Variants in CCDC85A observed in about 807,000 individuals in gnomAD.
CCDC85A encodes coiled-coil domain containing 85A.
Under a neutral mutation model 50.2 loss-of-function variants are expected in CCDC85A, and 38 were observed. That is an observed-to-expected ratio of 0.76 (90% CI 0.58 to 0.99). The LOEUF (loss-of-function observed/expected upper bound fraction) is 0.99, where lower values mean the gene tolerates loss of function less well. Among genes scored for constraint, CCDC85A ranks in the 50% least tolerant of loss-of-function variants. The probability of loss-of-function intolerance (pLI) is 0.00; values close to 1 mark genes in which losing one functional copy is unlikely to be tolerated. For synonymous variants in CCDC85A, 366 were observed against 301.4 expected (o/e 1.21, Z -2.22); for missense variants, 820 against 742.0 (o/e 1.11, Z -1.22).
intron 5 of CCDC85A, among the ~76,000 whole-genome samples, chr2:56,383,048 G>T (rs1183106644): frequency 6.6e-6 from 1 of 151,868 alleles, no homozygotes; most frequent in Non-Finnish European, 1.5e-5. Context: ...TTCCTTTCCA[G>T]ATATTTAAGA....
chr2:56,198,168 G>A (rs550168014), intron 2 of CCDC85A, among the ~76,000 whole-genome samples: 9 of 152,248 alleles, frequency 5.9e-5, no homozygotes, highest in South Asian at 4.1e-4. Context: ...GACCCCAGCA[G>A]TGTTTCTCTG....
At chr2:56,334,947 A>G (rs901345443) in intron 2 of CCDC85A, among the ~76,000 whole-genome samples, 2 of 152,186 alleles carry the variant, frequency 1.3e-5, no homozygotes, top group African/African-American at 4.8e-5. Flanking sequence ...TGAGAAGAGT[A>G]GAATTTGCTT....
intron 3 of CCDC85A, among the ~76,000 whole-genome samples, chr2:56,358,774 T>G (rs7602650): frequency 6.6e-6 from 1 of 151,640 alleles, no homozygotes; most frequent in Non-Finnish European, 1.5e-5. Context: ...CTCTTATATT[T>G]TTGTCTTTTT....
In CCDC85A at chr2:56,193,273, G is replaced by C; in HGVS notation, c.1073G>C (p.Ser358Thr). The C allele has an allele frequency of 6.2e-7, 1 of 1,613,976 alleles. No individual in the cohort carries two copies. Among genetic ancestry groups the C allele is most frequent in the South Asian group, 1.1e-5 (1 of 91,074 alleles). The change falls in exon 2 of 6, where the codon AGC (serine) becomes ACC (threonine). Residue 358 changes from serine to threonine, a missense_variant. Ser to Thr is a moderately conservative substitution (Grantham distance 58, BLOSUM62 1). Transcript: ENST00000407595. ...CATCTCCCCAGAGCCAGGGGCACCA[G>C]CCCGGAGCACCTCAAACAACATTAT... is the stretch of plus-strand genomic sequence containing the variant. ...LEHLPRARGT[S>T]PEHLKQHYGG...
At chr2:56,321,280 G>T (rs976076555) in intron 2 of CCDC85A, among the ~76,000 whole-genome samples, 6 of 152,170 alleles carry the variant, frequency 3.9e-5, no homozygotes, top group Admixed American at 3.3e-4. Flanking sequence ...AGTGTTGGAA[G>T]TTCTGGTCAG....
chr2:56,378,694 G>A (rs1371744695), intron 5 of CCDC85A, among the ~76,000 whole-genome samples: 1 of 152,180 alleles, frequency 6.6e-6, no homozygotes, highest in South Asian at 2.1e-4. Context: ...TCGAACTCTA[G>A]TTAGATTCAG....
chr2:56,186,015 G>T (rs1676024675), intron 1 of CCDC85A, among the ~76,000 whole-genome samples: 1 of 152,208 alleles, frequency 6.6e-6, no homozygotes. Context: ...AATTGCCTCA[G>T]TGCTCCAGCT....
At chr2:56,310,349 C>T (rs1325009980) in intron 2 of CCDC85A, among the ~76,000 whole-genome samples, 2 of 152,142 alleles carry the variant, frequency 1.3e-5, no homozygotes, top group Admixed American at 1.3e-4. Context: ...GAGGTTAGCT[C>T]ATATTCTTGC....
At chr2:56,250,093 A>C in intron 2 of CCDC85A, among the ~76,000 whole-genome samples, 1 of 152,286 alleles carries the variant, frequency 6.6e-6, no homozygotes, top group South Asian at 2.1e-4. Flanking sequence ...TAAAACGTGT[A>C]AGCAAGGACT....
chr2:56,364,784 T>G (rs1311553819), intron 3 of CCDC85A, among the ~76,000 whole-genome samples: 1 of 152,212 alleles, frequency 6.6e-6, no homozygotes, highest in African/African-American at 2.4e-5. Context: ...GGTCTTGCCC[T>G]CTAATCCATC....
chr2:56,264,205 A>T (rs1313008769), intron 2 of CCDC85A, among the ~76,000 whole-genome samples: 1 of 152,080 alleles, frequency 6.6e-6, no homozygotes, highest in Non-Finnish European at 1.5e-5. Context: ...CTTAAATTTT[A>T]TCTCCAGCTT....
rs1326309757 is a variant in CCDC85A at position 56,385,377 on chromosome 2, G to T, written c.*1022G>T. 1 of 152,164 alleles carries T rather than the reference G, an allele frequency of 6.6e-6. No homozygotes were observed. The highest frequency in any genetic ancestry group is 1.5e-5 in the Non-Finnish European group (1 of 67,796). The allele number at this position is 152,164 out of a possible 1,614,324, so 9.4% of individuals were successfully genotyped here. ...TATTGAGGCTAAAAGCTCTTGTTCA[G>T]ATTGCTTGAGGTTTGAAAAAGAGGT... On this transcript the variant is annotated 3_prime_UTR_variant, in exon 6 of 6. Coordinates refer to ENST00000407595, the MANE Select transcript of CCDC85A (RefSeq NM_001080433.2).
intron 2 of CCDC85A, among the ~76,000 whole-genome samples, chr2:56,264,297 C>T (rs527508298): frequency 6.6e-6 from 1 of 152,224 alleles, no homozygotes; most frequent in South Asian, 2.1e-4. Flanking sequence ...GGTTTTCACA[C>T]CTAACATGTC....
At chr2:56,288,766 A>G (rs1182730429) in intron 2 of CCDC85A, among the ~76,000 whole-genome samples, 1 of 152,132 alleles carries the variant, frequency 6.6e-6, no homozygotes, top group East Asian at 1.9e-4. Context: ...TGCCTAAATT[A>G]TACATCCTAA....
intron 2 of CCDC85A, among the ~76,000 whole-genome samples, chr2:56,332,536 GA>G (rs1166718081): frequency 6.6e-6 from 1 of 151,960 alleles, no homozygotes; most frequent in Non-Finnish European, 1.5e-5. Flanking sequence ...CCTCACCTTG[GA>G]GGTTAGGTTT....
chr2:56,320,837 A>C (rs1673144866), intron 2 of CCDC85A, among the ~76,000 whole-genome samples: 1 of 152,186 alleles, frequency 6.6e-6, no homozygotes, highest in African/African-American at 2.4e-5. Context: ...GACACAATAA[A>C]AAAAGAGAAT....
At chr2:56,378,352 C>T (rs893897210) in intron 5 of CCDC85A, among the ~76,000 whole-genome samples, 1 of 152,144 alleles carries the variant, frequency 6.6e-6, no homozygotes, top group Non-Finnish European at 1.5e-5. Flanking sequence ...TTTGTGATGA[C>T]ACTATATTCT....
chr2:56,246,345 C>T (rs7602551), intron 2 of CCDC85A, among the ~76,000 whole-genome samples: 83,204 of 151,998 alleles, frequency 0.55, 23,396 homozygotes, highest in African/African-American at 0.66. Context: ...TATTACATTC[C>T]TGATAATGTC....
intron 2 of CCDC85A, among the ~76,000 whole-genome samples, chr2:56,223,171 A>G (rs1473450445): frequency 6.6e-6 from 1 of 152,166 alleles, no homozygotes; most frequent in Non-Finnish European, 1.5e-5. Context: ...AATGCTTTGA[A>G]GAGAAGAGTT....
Sources: allele counts gnomAD v4.1 joint callset (sites outside exome capture counted in the v4.1 genomes callset), GRCh38; gene constraint gnomAD v4.1.1; transcripts MANE v1.5; gene names NCBI Gene and HGNC (gene_info 2026-07-23, HGNC 2026-07-21).